The following MVB12B variants were observed in gnomAD, a reference collection of about 807,000 sequenced individuals.
MVB12B encodes the protein multivesicular body subunit 12B, also known as ESCRT-I complex subunit MVB12B.
A neutral mutation model predicts 41.6 loss-of-function variants in MVB12B; 16 were observed. That is an observed-to-expected ratio of 0.38 (90% CI 0.26 to 0.58). The LOEUF (loss-of-function observed/expected upper bound fraction) is 0.58. Among genes scored for constraint, MVB12B ranks in the 20% least tolerant of loss-of-function variants. The pLI, the probability that MVB12B is intolerant of heterozygous loss-of-function variation, is 0.62. For missense variants in MVB12B, 274 were observed against 380.2 expected (o/e 0.72, Z 2.32); for synonymous variants, 133 against 139.7 (o/e 0.95, Z 0.34).
chr9:126,493,355 A>G (rs1313892311), intron 9 of MVB12B, among the ~76,000 whole-genome samples: 4 of 152,158 alleles, frequency 2.6e-5, no homozygotes, highest in African/African-American at 9.7e-5. Flanking sequence ...ATCATATGTA[A>G]GTGGATCAGT....
chr9:126,427,043 A>G (rs1022980232), intron 7 of MVB12B: 1 of 152,238 alleles, frequency 6.6e-6, no homozygotes, highest in African/African-American at 2.4e-5. Context: ...CTATGGATAC[A>G]TATTAAAGCT....
At position 126,376,938 on chromosome 9, in the gene MVB12B, T is replaced by C. The variant is rs1394108319; in HGVS notation, c.205-4126T>C. ...CCGCCCCCACCCCAATGGTGTCTGG[T>C]GATTCTGGATCCTGGGGCTCTGCTC... On this transcript the variant is annotated intron_variant, in intron 2 of 9. Coordinates refer to ENST00000361171, the MANE Select transcript of MVB12B (RefSeq NM_033446.3). This position sits in a 1 kb window ranked among gnomAD's most constrained non-coding sequence, Gnocchi z 4.1. Among the ~76,000 whole-genome samples the C allele has an allele frequency of 2.0e-5, 3 of 148,108 alleles. No individual in the cohort carries two copies. Among genetic ancestry groups the C allele is most frequent in the African/African-American group, 2.5e-5 (1 of 39,920 alleles).
At chr9:126,460,822 T>C (rs1564339626) in intron 7 of MVB12B, among the ~76,000 whole-genome samples, 1 of 152,142 alleles carries the variant, frequency 6.6e-6, no homozygotes, top group Non-Finnish European at 1.5e-5. Flanking sequence ...TCTTAACTGC[T>C]CTTTGCCTGA....
intron 6 of MVB12B, among the ~76,000 whole-genome samples, chr9:126,403,848 A>C (rs770429643): frequency 6.6e-6 from 1 of 151,238 alleles, no homozygotes; most frequent in African/African-American, 2.4e-5. Context: ...ATCATATTTT[A>C]TGCATCGCCC....
chr9:126,358,616 C>A (rs138131579), intron 2 of MVB12B, among the ~76,000 whole-genome samples: 17 of 152,290 alleles, frequency 1.1e-4, no homozygotes, highest in African/African-American at 1.9e-4. Flanking sequence ...GATAGAAATA[C>A]AATTGATTTT....
At chr9:126,479,538 G>C (rs150915997) in intron 7 of MVB12B, among the ~76,000 whole-genome samples, 1 of 152,338 alleles carries the variant, frequency 6.6e-6, no homozygotes, top group South Asian at 2.1e-4. Flanking sequence ...AATGCGGGAC[G>C]TACTGAGTGA....
Position 126,422,028 on chromosome 9 carries a change from T to C in MVB12B, c.757+80T>C, listed in dbSNP as rs1832035826. 3.9e-6 allele frequency: 4 copies of C among 1,030,298 alleles called. No homozygotes were observed. The Admixed American group carries it at 5.2e-5, about 13-fold the overall frequency. The allele number at this position is 1,030,298 out of a possible 1,614,324, so 63.8% of individuals were successfully genotyped here. On this transcript the variant is annotated intron_variant, in intron 7 of 9. Coordinates refer to ENST00000361171, the MANE Select transcript of MVB12B (RefSeq NM_033446.3). Reference sequence around the variant, plus strand: ...CTCCTTCCACACGTTCTCTGTCTTCTCGTGGGATCTGTCTGCCTTACCTCT... The same window carrying C: ...CTCCTTCCACACGTTCTCTGTCTTCCCGTGGGATCTGTCTGCCTTACCTCT...
chr9:126,440,331 G>T (rs1832599992), intron 7 of MVB12B, among the ~76,000 whole-genome samples: 1 of 152,232 alleles, frequency 6.6e-6, no homozygotes, highest in Non-Finnish European at 1.5e-5. Context: ...AGCCTTGGCG[G>T]TGGCACTGGG....
rs1829180967 is a variant in MVB12B at position 126,333,342 on chromosome 9, C to T, written c.81+6332C>T. On this transcript the variant is annotated intron_variant, in intron 1 of 9. Coordinates refer to ENST00000361171, the MANE Select transcript of MVB12B (RefSeq NM_033446.3). The surrounding 1 kb of genome is among the most constrained non-coding windows in gnomAD (Gnocchi z 4.7). ...CCTTGTGATCTGTCCGCCTCGGACTCCCAAGGTGCTGGGATTACAGGCGTG... is the reference window on the plus strand; with the variant it reads ...CCTTGTGATCTGTCCGCCTCGGACTTCCAAGGTGCTGGGATTACAGGCGTG... 6.6e-6 allele frequency among the ~76,000 whole-genome samples: 1 copy of T among 152,060 alleles called. No individual in the cohort carries two copies. Among genetic ancestry groups the T allele is most frequent in the African/African-American group, 2.4e-5 (1 of 41,384 alleles).
intron 6 of MVB12B, among the ~76,000 whole-genome samples, chr9:126,403,722 T>C (rs143176829): frequency 8.4e-4 from 128 of 152,244 alleles, no homozygotes; most frequent in Non-Finnish European, 1.6e-3. Flanking sequence ...CAGTGGAAAA[T>C]GTGTGGCCCC....
chr9:126,326,966 C>A lies in MVB12B; in HGVS notation c.37C>A (p.Pro13Thr). The part of the protein sequence containing the change: ...SCFCVRRSRD[P>T]PPPQPPPPPP... ...CTTCTGCGTGAGACGGAGCCGGGACCCGCCGCCGCCGCAGCCACCGCCGCC... is the reference window on the plus strand; with the variant it reads ...CTTCTGCGTGAGACGGAGCCGGGACACGCCGCCGCCGCAGCCACCGCCGCC... The change falls in exon 1 of 10, where the codon CCG becomes ACG. Residue 13 changes from proline to threonine, a missense_variant. By Grantham distance (38) the Pro-to-Thr change is conservative. Coordinates refer to ENST00000361171, the MANE Select transcript of MVB12B (RefSeq NM_033446.3). 1 of 257,010 alleles carries A rather than the reference C, an allele frequency of 3.9e-6. No individual in the cohort carries two copies. The allele number at this position is 257,010 out of a possible 1,614,324, so 15.9% of individuals were successfully genotyped here.
intron 2 of MVB12B, among the ~76,000 whole-genome samples, chr9:126,361,958 G>T (rs372253439): frequency 4.0e-5 from 6 of 149,332 alleles, no homozygotes; most frequent in African/African-American, 1.5e-4. Context: ...CTTATGGCTT[G>T]CATTGTTTCT....
chr9:126,352,114 A>AT (rs1829767194), intron 2 of MVB12B, among the ~76,000 whole-genome samples: 2 of 151,922 alleles, frequency 1.3e-5, no homozygotes, highest in African/African-American at 2.4e-5. Flanking sequence ...ATTGTTAAGA[A>AT]TTTTTTTTGG....
intron 7 of MVB12B, among the ~76,000 whole-genome samples, chr9:126,455,377 G>A (rs1021168937): frequency 5.9e-5 from 9 of 151,678 alleles, no homozygotes; most frequent in African/African-American, 9.7e-5. Context: ...TAGTAGAGAC[G>A]GGGTTTCACC....
intron 7 of MVB12B, among the ~76,000 whole-genome samples, chr9:126,440,378 C>A (rs1004568856): frequency 6.6e-6 from 1 of 152,238 alleles, no homozygotes; most frequent in Non-Finnish European, 1.5e-5. Context: ...TGCTGAACTT[C>A]CCGTGGAAGC....
Position 126,361,925 on chromosome 9 carries a change from A to AG in MVB12B, c.205-19139_205-19138insG, listed in dbSNP as rs1830041384. 3.3e-5 allele frequency among the ~76,000 whole-genome samples: 5 copies of AG among 151,994 alleles called. No homozygotes were observed. The South Asian group carries it at 1.0e-3, about 32-fold the overall frequency. ...TGAAACTCTGGAAAAAAAAAAAAAA[A>AG]AAAAAAGATGTTGCTCCATTATCTT... On this transcript the variant is annotated intron_variant, in intron 2 of 9. Coordinates refer to ENST00000361171, the MANE Select transcript of MVB12B (RefSeq NM_033446.3).
chr9:126,415,425 G>A (rs1831788007), intron 6 of MVB12B, among the ~76,000 whole-genome samples: 1 of 152,170 alleles, frequency 6.6e-6, no homozygotes, highest in African/African-American at 2.4e-5. Flanking sequence ...AATATTTCAT[G>A]AAACAGTGGT....
Position 126,392,372 on chromosome 9 carries a change from G to A in MVB12B, c.539+177G>A, listed in dbSNP as rs965971616. ...CTCAGCTGCGGTCTCTCTGAGCCTCGGCTCGCACTGCTGACTCCACCTTAG... is the reference window on the plus strand; with the variant it reads ...CTCAGCTGCGGTCTCTCTGAGCCTCAGCTCGCACTGCTGACTCCACCTTAG... On this transcript the variant is annotated intron_variant, in intron 5 of 9. Coordinates refer to ENST00000361171, the MANE Select transcript of MVB12B (RefSeq NM_033446.3). The surrounding 1 kb of genome is among the most constrained non-coding windows in gnomAD (Gnocchi z 4.8). Among the ~76,000 whole-genome samples the A allele has an allele frequency of 2.6e-5, 4 of 152,150 alleles. No homozygotes were observed. The highest frequency in any genetic ancestry group is 4.8e-5 in the African/African-American group (2 of 41,428).
intron 7 of MVB12B, among the ~76,000 whole-genome samples, chr9:126,451,617 G>C (rs1378222644): frequency 6.6e-6 from 1 of 152,006 alleles, no homozygotes; most frequent in Admixed American, 6.6e-5. Context: ...ACCGGGACAG[G>C]GGGGCCAAAA....
Sources: gnomAD v4.1 joint callset for allele counts (sites outside exome capture counted in the v4.1 genomes callset) on GRCh38, gnomAD v4.1.1 for gene constraint, Gnocchi (gnomAD v3.1) non-coding constraint, MANE v1.5 for transcripts, NCBI Gene and HGNC (gene_info 2026-07-23, HGNC 2026-07-21) for gene names.